Variants in HDAC4 observed in about 807,000 individuals in gnomAD.
The protein encoded by HDAC4 is histone deacetylase 4.
In HDAC4, 16 loss-of-function variants were observed where a neutral mutation model predicts 135.1. The observed-to-expected ratio is 0.12, with a 90% confidence interval of 0.08 to 0.18. The LOEUF is 0.18. Among genes scored for constraint, HDAC4 ranks in the 10% least tolerant of loss-of-function variants. The probability of loss-of-function intolerance (pLI) is 1.00; values close to 1 mark genes in which losing one functional copy is unlikely to be tolerated. For synonymous variants in HDAC4, 685 were observed against 653.4 expected (o/e 1.05, Z -0.74); for missense variants, 1,143 against 1,511.8 (o/e 0.76, Z 4.05).
rs914491627 is a variant in HDAC4, at chr2:239,048,329, G to A, written c.*4768C>T. On this transcript the variant is annotated 3_prime_UTR_variant, in exon 27 of 27. Transcript: ENST00000543185. ...CCCACACAAAACAAGACAAGAATGA[G>A]AAAACCAAACACAAAACCTCCAACT... 6.6e-6 allele frequency: 1 copy of A among 152,304 alleles called. No homozygotes were observed. Among genetic ancestry groups the A allele is most frequent in the Non-Finnish European group, 1.5e-5 (1 of 68,070 alleles). The allele number at this position is 152,304 out of a possible 1,614,324, so 9.4% of individuals were successfully genotyped here. A position where few individuals can be genotyped will look rare whatever the true frequency, so the allele number is the denominator to read the frequency against.
intron 1 of HDAC4, among the ~76,000 whole-genome samples, chr2:239,394,721 C>A (rs1046903019): frequency 1.3e-5 from 2 of 152,248 alleles, no homozygotes. Context: ...AGGGGCCAGG[C>A]CAGAGGTGGG....
intron 2 of HDAC4, chr2:239,298,663 A>G: frequency 1.0e-6 from 1 of 977,590 alleles, no homozygotes; most frequent in Non-Finnish European, 1.2e-6. Flanking sequence ...ACTGTGGCTA[A>G]ATCATTTATC....
chr2:239,235,589 C>G (rs1028117), intron 3 of HDAC4, among the ~76,000 whole-genome samples: 17,866 of 152,234 alleles, frequency 0.12, 1,182 homozygotes, highest in Non-Finnish European at 0.15. Flanking sequence ...TCAGGAGGTT[C>G]AGGTTTTATT....
chr2:239,160,721 G>A (rs866764603), intron 6 of HDAC4, among the ~76,000 whole-genome samples: 1 of 152,254 alleles, frequency 6.6e-6, no homozygotes, highest in Non-Finnish European at 1.5e-5. Flanking sequence ...CAGTTTGCGC[G>A]GCCGTTCCCC....
In HDAC4 at chr2:239,068,461, C is replaced by T. The variant is rs949912809; in HGVS notation, c.2869+28G>A. 6 of 1,488,222 alleles carry T rather than the reference C, an allele frequency of 4.0e-6. No individual in the cohort carries two copies. Among genetic ancestry groups the T allele is most frequent in the African/African-American group, 1.4e-5 (1 of 72,646 alleles). 92.2% of individuals were successfully genotyped at this position (1,488,222 alleles called of 1,614,324 possible). On this transcript the variant is annotated intron_variant, in intron 23 of 26. Coordinates refer to ENST00000543185, the MANE Select transcript of HDAC4 (RefSeq NM_001378414.1). The surrounding 1 kb of genome is among the most constrained non-coding windows in gnomAD (Gnocchi z 4.4). ...GGATCATGGACATGAGCAGAACCGG[C>T]TCCTCAGTCATATGCAGAACCACTT...
Position 239,068,628 on chromosome 2 carries a change from C to T in HDAC4, c.2751-21G>A, listed in dbSNP as rs749035059. 6.9e-6 allele frequency: 11 copies of T among 1,590,724 alleles called. No homozygotes were observed. Among genetic ancestry groups the T allele is most frequent in the East Asian group, 2.2e-5 (1 of 44,760 alleles). ...CCGTTCTGCAAAGGACAGGAGAAGG[C>T]GTTACTGGGTCAGCTGAAAGAGGGA... On this transcript the variant is annotated intron_variant, in intron 22 of 26. Transcript: ENST00000543185. The surrounding 1 kb of genome is among the most constrained non-coding windows in gnomAD (Gnocchi z 4.4).
chr2:239,164,598 G>A lies in HDAC4; in HGVS notation c.491-675C>T, dbSNP rs182729846. On this transcript the variant is annotated intron_variant, in intron 5 of 26. Coordinates refer to ENST00000543185, the MANE Select transcript of HDAC4 (RefSeq NM_001378414.1). The stretch of plus-strand genomic sequence containing the variant: ...TGAACACAAGGCCTGTTAGCACGGA[G>A]GCTGCTCGCCTCAGATCTCCAATCT... 3.9e-4 allele frequency among the ~76,000 whole-genome samples: 59 copies of A among 152,342 alleles called. 1 individual carries two copies. In the East Asian group the frequency reaches 0.01, roughly 26 times the overall value.
intron 2 of HDAC4, among the ~76,000 whole-genome samples, chr2:239,269,635 G>C (rs1380772787): frequency 1.3e-5 from 2 of 152,240 alleles, no homozygotes; most frequent in East Asian, 3.9e-4. Context: ...GCCACTGCGA[G>C]CCCGTGCGCT....
chr2:239,348,202 ACACGTCCCAGCAAATC>A (rs1420247722), intron 2 of HDAC4, among the ~76,000 whole-genome samples: 155 of 151,086 alleles, frequency 1.0e-3, no homozygotes, highest in Non-Finnish European at 1.7e-3. Flanking sequence ...CTGACCACAG[ACACGTCCCAGCAAATC>A]CACGTCCCAG....
At chr2:239,066,082 G>C (rs1324785007) in intron 24 of HDAC4, among the ~76,000 whole-genome samples, 1 of 152,194 alleles carries the variant, frequency 6.6e-6, no homozygotes, top group African/African-American at 2.4e-5. Context: ...TGGGAGCAGG[G>C]AGGCCCGGGC....
At chr2:239,190,836 C>T (rs1475278638) in intron 3 of HDAC4, 9 of 396,362 alleles carry the variant, frequency 2.3e-5, no homozygotes, top group Non-Finnish European at 4.7e-5. Context: ...TCATTCCTTA[C>T]AATCAATACC....
chr2:239,347,335 C>T (rs986338334), intron 2 of HDAC4, among the ~76,000 whole-genome samples: 4 of 152,208 alleles, frequency 2.6e-5, no homozygotes, highest in Admixed American at 2.6e-4. Flanking sequence ...GGTTAACACT[C>T]AACAGTGGTC....
At chr2:239,378,424 G>A (rs148266071) in intron 1 of HDAC4, among the ~76,000 whole-genome samples, 82 of 152,242 alleles carry the variant, frequency 5.4e-4, no homozygotes, top group Middle Eastern at 3.4e-3. Context: ...ACGTGACCAC[G>A]GCTGTTCTGA....
chr2:239,369,701 G>A (rs1008952828), intron 1 of HDAC4, among the ~76,000 whole-genome samples: 8 of 152,188 alleles, frequency 5.3e-5, no homozygotes, highest in Admixed American at 2.0e-4. Flanking sequence ...GTTCAACACA[G>A]CGCCTCGGAA....
chr2:239,353,420 T>C (rs997066198), intron 1 of HDAC4, among the ~76,000 whole-genome samples: 5 of 152,192 alleles, frequency 3.3e-5, no homozygotes, highest in African/African-American at 1.2e-4. Context: ...ATCACAGACA[T>C]GTAAAAATGT....
chr2:239,240,954 G>A lies in HDAC4; in HGVS notation c.23-4290C>T, dbSNP rs374001734. On this transcript the variant is annotated intron_variant, in intron 2 of 26. Coordinates refer to ENST00000543185, the MANE Select transcript of HDAC4 (RefSeq NM_001378414.1). The surrounding 1 kb of genome is among the most constrained non-coding windows in gnomAD (Gnocchi z 4.5). Reference sequence around the variant, plus strand: ...GTAGGTATGTCTAACCAGAAACCCGGCCTTCTGGAGCCAAAGGAACCTCAC... The same window carrying A: ...GTAGGTATGTCTAACCAGAAACCCGACCTTCTGGAGCCAAAGGAACCTCAC... Among the ~76,000 whole-genome samples, 75 of 152,268 alleles carry A rather than the reference G, an allele frequency of 4.9e-4. No individual in the cohort carries two copies. The East Asian group carries it at 5.0e-3, about 10-fold the overall frequency.
intron 2 of HDAC4, among the ~76,000 whole-genome samples, chr2:239,343,628 C>G (rs1692436804): frequency 6.6e-6 from 1 of 152,252 alleles, no homozygotes; most frequent in Admixed American, 6.5e-5. Flanking sequence ...GGCTTCCATG[C>G]CCAGCCCATC....
intron 1 of HDAC4, among the ~76,000 whole-genome samples, chr2:239,377,453 C>T (rs546357928): frequency 5.9e-5 from 9 of 152,254 alleles, no homozygotes; most frequent in Admixed American, 2.0e-4. Flanking sequence ...TGCATCCTCT[C>T]TGCCACCAAT....
chr2:239,119,491 G>A (rs1483489560), intron 12 of HDAC4, among the ~76,000 whole-genome samples: 1 of 151,288 alleles, frequency 6.6e-6, no homozygotes, highest in Non-Finnish European at 1.5e-5. Context: ...GGGGACCAGA[G>A]CTCAGGGCTG....
Sources: gnomAD v4.1 joint callset for allele counts (sites outside exome capture counted in the v4.1 genomes callset) on GRCh38, gnomAD v4.1.1 for gene constraint, Gnocchi (gnomAD v3.1) non-coding constraint, MANE v1.5 for transcripts, NCBI Gene and HGNC (gene_info 2026-07-23, HGNC 2026-07-21) for gene names.